The following PLCG2 variants were observed in gnomAD, a reference collection of about 807,000 sequenced individuals.
PLCG2 encodes the protein 1-phosphatidylinositol 4,5-bisphosphate phosphodiesterase gamma-2.
Under a neutral mutation model 175.6 loss-of-function variants are expected in PLCG2, and 69 were observed. The ratio of observed to expected loss-of-function variants is 0.39; its 90% confidence interval spans 0.32 to 0.48. The LOEUF (loss-of-function observed/expected upper bound fraction) is 0.48, where lower values mean the gene tolerates loss of function less well. Among genes scored for constraint, PLCG2 ranks in the 20% least tolerant of loss-of-function variants. The pLI, the probability that PLCG2 is intolerant of heterozygous loss-of-function variation, is 0.91. For synonymous variants in PLCG2, 827 were observed against 624.0 expected (o/e 1.33, Z -4.85); for missense variants, 1,798 against 1,650.9 (o/e 1.09, Z -1.54).
At chr16:81,837,674 A>T (rs1300302627) in intron 2 of PLCG2, among the ~76,000 whole-genome samples, 1 of 148,380 alleles carries the variant, frequency 6.7e-6, no homozygotes. Context: ...TCTGTTTGGT[A>T]CCAACATGTG....
intron 5 of PLCG2, among the ~76,000 whole-genome samples, chr16:81,868,183 C>T (rs947695690): frequency 6.6e-6 from 1 of 152,184 alleles, no homozygotes; most frequent in African/African-American, 2.4e-5. Flanking sequence ...CCCTGGGGGT[C>T]AACCATGTGT....
chr16:81,764,810 C>T (rs1351279594), intron 2 of PLCG2, among the ~76,000 whole-genome samples: 1 of 152,254 alleles, frequency 6.6e-6, no homozygotes, highest in African/African-American at 2.4e-5. Context: ...ATTGATGAGG[C>T]TGGGTGTGGT....
intron 8 of PLCG2, among the ~76,000 whole-genome samples, chr16:81,882,425 A>G (rs970077003): frequency 5.3e-5 from 8 of 152,084 alleles, no homozygotes; most frequent in African/African-American, 1.2e-4. Context: ...CTCCCACTCC[A>G]GAGCACTCAA....
chr16:81,809,412 A>G (rs1290324748), intron 2 of PLCG2, among the ~76,000 whole-genome samples: 4 of 152,140 alleles, frequency 2.6e-5, no homozygotes, highest in African/African-American at 7.2e-5. Flanking sequence ...GGCTTCCCCA[A>G]TGGACTTCGG....
intron 2 of PLCG2, among the ~76,000 whole-genome samples, chr16:81,837,991 C>T (rs527973956): frequency 2.6e-5 from 4 of 152,282 alleles, no homozygotes; most frequent in Middle Eastern, 3.4e-3. Context: ...CTATATCTGC[C>T]ATCATAGTCA....
chr16:81,863,525 G>T (rs551334338), intron 5 of PLCG2, among the ~76,000 whole-genome samples: 1 of 152,308 alleles, frequency 6.6e-6, no homozygotes, highest in East Asian at 1.9e-4. Flanking sequence ...GTACAAATCT[G>T]TTTGAGTCTC....
Position 81,919,655 on chromosome 16 carries a change from C to T in PLCG2, c.2226C>T (p.Arg742=), listed in dbSNP as rs765007135. 6.2e-7 allele frequency: 1 copy of T among 1,613,038 alleles called. No individual in the cohort carries two copies. Among genetic ancestry groups the T allele is most frequent in the East Asian group, 2.2e-5 (1 of 44,834 alleles). The part of the protein sequence containing the change: ...RYPVTPELLE[R]YNMERDINSL... ...CCGTGACCCCCGAGCTCCTGGAGCGCTACAATATGGTAGGTGGTGGACTCC... is the reference window on the plus strand; with the variant it reads ...CCGTGACCCCCGAGCTCCTGGAGCGTTACAATATGGTAGGTGGTGGACTCC... Residue 742 remains arginine, a synonymous_variant, in exon 20 of 33, where the codon CGC becomes CGT. Transcript: ENST00000564138.
rs190272688 is a variant in PLCG2, at chr16:81,958,755, C to G, written c.*757C>G. ...CCTGGCTCTGCCAGCTGCTGGGAGG[C>G]TCTGGCCCCACTAGTCCCTCATGGC... On this transcript the variant is annotated 3_prime_UTR_variant, in exon 33 of 33. Transcript: ENST00000564138. 141 of 221,336 alleles carry G rather than the reference C, an allele frequency of 6.4e-4. No individual in the cohort carries two copies. In the East Asian group the frequency reaches 8.9e-3, roughly 14 times the overall value. 13.7% of individuals were successfully genotyped at this position (221,336 alleles called of 1,614,324 possible).
intron 31 of PLCG2, among the ~76,000 whole-genome samples, chr16:81,949,568 C>G (rs965883900): frequency 6.6e-6 from 1 of 152,080 alleles, no homozygotes; most frequent in Admixed American, 6.6e-5. Context: ...TATCATGTAT[C>G]CTACTCAAGG....
chr16:81,876,911 T>G (rs1907818360), intron 7 of PLCG2, among the ~76,000 whole-genome samples: 2 of 152,356 alleles, frequency 1.3e-5, no homozygotes, highest in Middle Eastern at 6.8e-3. Flanking sequence ...TGTGTACATA[T>G]GTACGTGTAG....
Position 81,859,140 on chromosome 16 carries a change from T to C in PLCG2, c.456T>C (p.Ser152=). 6.3e-7 allele frequency: 1 copy of C among 1,598,104 alleles called. No individual in the cohort carries two copies. The highest frequency in any genetic ancestry group is 1.1e-5 in the South Asian group (1 of 90,710). Residue 152 remains serine (S), a synonymous_variant, in exon 5 of 33, where the codon TCT becomes TCC. Transcript: ENST00000564138. ...GTTGGCTGAGAAAGCAGATATATTC[T>C]GTGGATCAAACCAGAAGAAACAGGT... is the stretch of plus-strand genomic sequence containing the variant. ...IESWLRKQIY[S]VDQTRRNSIS...
chr16:81,921,880 T>G (rs1423120093), intron 21 of PLCG2, among the ~76,000 whole-genome samples: 2 of 152,218 alleles, frequency 1.3e-5, no homozygotes, highest in African/African-American at 4.8e-5. Context: ...TTTTCAAAAA[T>G]TTATAATCCA....
intron 1 of PLCG2, among the ~76,000 whole-genome samples, chr16:81,743,798 A>G (rs943964283): frequency 1.3e-5 from 2 of 152,066 alleles, no homozygotes; most frequent in African/African-American, 4.8e-5. Context: ...GAGCCCCTTG[A>G]TCCAGCTGTG....
Position 81,910,659 on chromosome 16 carries a change from G to A in PLCG2, c.1873G>A (p.Ala625Thr), listed in dbSNP as rs1009796025. The A allele has an allele frequency of 1.1e-5, 17 of 1,613,510 alleles. No homozygotes were observed. Among genetic ancestry groups the A allele is most frequent in the Admixed American group, 1.7e-5 (1 of 60,014 alleles). ...CTACCGCGAGACGCACCTGCGCTGC[G>A]CCGAGTTCGAGCTGCGGCTCACGGA... ...QHYRETHLRCAEFELRLTDPV... is the reference protein window; with the variant it reads ...QHYRETHLRCTEFELRLTDPV... Residue 625 changes from alanine to threonine, a missense_variant, in exon 18 of 33, where the codon GCC becomes ACC. By Grantham distance (58) the Ala-to-Thr change is moderately conservative. Transcript: ENST00000564138.
chr16:81,930,717 C>G (rs1910462569), intron 24 of PLCG2, among the ~76,000 whole-genome samples: 1 of 143,662 alleles, frequency 7.0e-6, no homozygotes, highest in South Asian at 2.2e-4. Context: ...CACTGCACTT[C>G]AGCCTGGGTG....
chr16:81,777,612 C>G (rs1910453412), upstream of PLCG2, among the ~76,000 whole-genome samples: 1 of 151,414 alleles, frequency 6.6e-6, no homozygotes. Flanking sequence ...GCTATACACG[C>G]CAGTTGGGAG....
Position 81,860,329 on chromosome 16 carries a change from C to T in PLCG2, c.479+1166C>T, listed in dbSNP as rs984113343. Among the ~76,000 whole-genome samples the T allele has an allele frequency of 3.9e-5, 6 of 151,996 alleles. No homozygotes were observed. The East Asian group carries it at 1.2e-3, about 29-fold the overall frequency. On this transcript the variant is annotated intron_variant, in intron 5 of 32. Transcript: ENST00000564138. ...CGCTGCTCCCAATCCTTTATCATTACTGTGATTAATGCTGCTGTGGAAACC... is the reference window on the plus strand; with the variant it reads ...CGCTGCTCCCAATCCTTTATCATTATTGTGATTAATGCTGCTGTGGAAACC...
At chr16:81,823,440 G>A (rs543208701) in intron 2 of PLCG2, among the ~76,000 whole-genome samples, 5 of 152,338 alleles carry the variant, frequency 3.3e-5, no homozygotes, top group African/African-American at 9.6e-5. Flanking sequence ...TTGAGTGGGG[G>A]TAGGGGCTGC....
At chr16:81,832,516 G>C (rs1033732229) in intron 2 of PLCG2, among the ~76,000 whole-genome samples, 1 of 152,116 alleles carries the variant, frequency 6.6e-6, no homozygotes, top group Non-Finnish European at 1.5e-5. Flanking sequence ...CAGCCTCCCA[G>C]GTAGCTGGGA....
Sources: gnomAD v4.1 joint callset for allele counts (sites outside exome capture counted in the v4.1 genomes callset) on GRCh38, gnomAD v4.1.1 for gene constraint, MANE v1.5 for transcripts, NCBI Gene and HGNC (gene_info 2026-07-23, HGNC 2026-07-21) for gene names.